INO80D: variants seen among roughly 807,000 people sequenced by gnomAD.
INO80D encodes INO80 complex subunit D.
A neutral mutation model predicts 87.6 loss-of-function variants in INO80D; 21 were observed. The ratio of observed to expected loss-of-function variants is 0.24; its 90% CI spans 0.17 to 0.35. The LOEUF is 0.35. Among genes scored for constraint, INO80D ranks in the 10% least tolerant of loss-of-function variants. The pLI, the probability that INO80D is intolerant of heterozygous loss-of-function variation, is 1.00. For synonymous variants in INO80D, 440 were observed against 491.0 expected (o/e 0.90, Z 1.37); for missense variants, 982 against 1,280.7 (o/e 0.77, Z 3.56).
Position 206,003,978 on chromosome 2 carries a change from T to TAGA in INO80D, c.*387_*389dup. The TAGA allele has an allele frequency of 8.5e-6, 2 of 234,426 alleles. No homozygotes were observed. Among genetic ancestry groups the TAGA allele is most frequent in the South Asian group, 1.6e-4 (2 of 12,852 alleles). The allele number at this position is 234,426 out of a possible 1,614,324, so 14.5% of individuals were successfully genotyped here. On this transcript the variant is annotated 3_prime_UTR_variant, in exon 11 of 11. Coordinates refer to ENST00000403263, the MANE Select transcript of INO80D (RefSeq NM_017759.5). ...ACTCAATTAATAAGATCATTCTATC[T>TAGA]AGAACCACCTATGTAAAAACCTGGC...
rs975152890 is a variant in INO80D, at chr2:206,009,886, T to C, written c.1543-92A>G. On this transcript the variant is annotated intron_variant, in intron 8 of 10. Coordinates refer to ENST00000403263, the MANE Select transcript of INO80D (RefSeq NM_017759.5). ...AATACTTACATCCCTTAATATTCTA[T>C]ATAATGCCTAAAACATACTGGATGC... is the stretch of plus-strand genomic sequence containing the variant. 4 of 1,012,090 alleles carry C rather than the reference T, an allele frequency of 4.0e-6. No individual in the cohort carries two copies. The African/African-American group carries it at 4.9e-5, about 12-fold the overall frequency. The allele number at this position is 1,012,090 out of a possible 1,614,324, so 62.7% of individuals were successfully genotyped here. A position where few individuals can be genotyped will look rare whatever the true frequency, so the allele number is the denominator to read the frequency against.
At chr2:206,010,262 T>G (rs1688136339) in intron 8 of INO80D, among the ~76,000 whole-genome samples, 1 of 151,610 alleles carries the variant, frequency 6.6e-6, no homozygotes, top group Admixed American at 6.6e-5. Context: ...CCGACCACAA[T>G]TCTTTTTTTT....
chr2:206,084,595 G>A (rs1434617372), intron 1 of INO80D: 1 of 152,188 alleles, frequency 6.6e-6, no homozygotes, highest in Non-Finnish European at 1.5e-5. Context: ...GACCAAAAAG[G>A]AGGGGAAACT....
chr2:206,010,093 A>G (rs1293924787), intron 8 of INO80D, among the ~76,000 whole-genome samples: 1 of 146,536 alleles, frequency 6.8e-6, no homozygotes, highest in Non-Finnish European at 1.5e-5. Context: ...ACACGCACAC[A>G]CACGGTTCCA....
chr2:206,034,655 TTGAAAGCATTCCCTC>T lies in INO80D; in HGVS notation c.1074-6335_1074-6321del, dbSNP rs1688850037. ...CAACATAATACTGAATGGGGAAAAG[TTGAAAGCATTCCCTC>T]TGAGAACTGGAACAAGACAAGGATG... On this transcript the variant is annotated intron_variant, in intron 5 of 10. Coordinates refer to ENST00000403263, the MANE Select transcript of INO80D (RefSeq NM_017759.5). Among the ~76,000 whole-genome samples, 3 of 150,226 alleles carry T rather than the reference TTGAAAGCATTCCCTC, an allele frequency of 2.0e-5. No homozygotes were observed. The South Asian group carries it at 6.4e-4, about 32-fold the overall frequency.
At chr2:206,010,087 G>A (rs74482950) in intron 8 of INO80D, among the ~76,000 whole-genome samples, 13 of 96,084 alleles carry the variant, frequency 1.4e-4, no homozygotes, top group East Asian at 2.6e-4. Context: ...ACACACACAC[G>A]CACACACACG....
At chr2:206,047,564 A>C (rs1689229870) in intron 4 of INO80D, among the ~76,000 whole-genome samples, 1 of 152,202 alleles carries the variant, frequency 6.6e-6, no homozygotes, top group Non-Finnish European at 1.5e-5. Context: ...ATGTCAGAAA[A>C]ACATAAAATA....
intron 8 of INO80D, among the ~76,000 whole-genome samples, chr2:206,010,688 G>A (rs1022241708): frequency 3.9e-5 from 6 of 152,038 alleles, no homozygotes; most frequent in African/African-American, 1.2e-4. Flanking sequence ...CATAAATTCA[G>A]GAAATCTAAA....
chr2:206,078,061 C>CAAAAAAAAAAAAAAAAAA lies in INO80D; in HGVS notation c.-124+7822_-124+7839dup, dbSNP rs71410859. 4.8e-5 allele frequency among the ~76,000 whole-genome samples: 3 copies of CAAAAAAAAAAAAAAAAAA among 63,062 alleles called. 1 individual carries two copies. The highest frequency in any genetic ancestry group is 8.2e-5 in the Non-Finnish European group (3 of 36,538). The allele number at this position is 63,062 out of a possible 152,430, so 41.4% of individuals were successfully genotyped here. On this transcript the variant is annotated intron_variant, in intron 1 of 10. Transcript: ENST00000403263. ...TTCCAGCAAGTTGTTGCAATGTTTA[C>CAAAAAAAAAAAAAAAAAA]AAAAAAAAAAAAAAAAAAAAAAAAA... is the stretch of plus-strand genomic sequence containing the variant.
chr2:206,004,693 G>A lies in INO80D; in HGVS notation c.2759C>T (p.Thr920Met), dbSNP rs1687976218. Residue 920 changes from threonine (T) to methionine (M), a missense_variant, in exon 11 of 11, where the codon ACG becomes ATG. Coordinates refer to ENST00000403263, the MANE Select transcript of INO80D (RefSeq NM_017759.5). The surrounding 1 kb of genome is among the most constrained non-coding windows in gnomAD (Gnocchi z 4.9). The stretch of plus-strand genomic sequence containing the variant: ...CTCTGAGTTCGAAGTGGTGGGTGGC[G>A]TGGATAGGGAAGTGGAAAGAAGATG... ...DGHLLSTSLS[T>M]PPTTSNSETT... 1 of 1,613,984 alleles carries A rather than the reference G, an allele frequency of 6.2e-7. No individual in the cohort carries two copies. The highest frequency in any genetic ancestry group is 8.5e-7 in the Non-Finnish European group (1 of 1,179,870).
In INO80D at chr2:206,056,615, C is replaced by G; in HGVS notation, c.547G>C (p.Glu183Gln). The G allele has an allele frequency of 1.9e-6, 3 of 1,610,328 alleles. No individual in the cohort carries two copies. The highest frequency in any genetic ancestry group is 2.5e-6 in the Non-Finnish European group (3 of 1,178,214). Reference protein sequence around the residue: ...KLAQNRQRQRETEILKVRQEH... With the variant: ...KLAQNRQRQRQTEILKVRQEH... ...TGTCGAACTTTTAAAATCTCTGTCT[C>G]TCTCTGGCGCTGCCGATTCTGGGCC... Residue 183 changes from glutamate to glutamine, a missense_variant, in exon 4 of 11, where the codon GAG becomes CAG. By Grantham distance (29) the Glu-to-Gln change is conservative (BLOSUM62 2). Coordinates refer to ENST00000403263, the MANE Select transcript of INO80D (RefSeq NM_017759.5).
In INO80D at chr2:206,044,481, T is replaced by TAAAA. The variant is rs55925923; in HGVS notation, c.1073+2019_1073+2022dup. Reference sequence around the variant, plus strand: ...GCAAGAAGTAAGGATAAATACCTGTTAAAAAAAAAAAAAAAAAAAGGAGGA... The same window carrying TAAAA: ...GCAAGAAGTAAGGATAAATACCTGTTAAAAAAAAAAAAAAAAAAAAAAAGGAGGA... On this transcript the variant is annotated intron_variant, in intron 5 of 10. Coordinates refer to ENST00000403263, the MANE Select transcript of INO80D (RefSeq NM_017759.5). Among the ~76,000 whole-genome samples the TAAAA allele has an allele frequency of 2.9e-3, 322 of 112,504 alleles. 6 individuals carry two copies. Among genetic ancestry groups the TAAAA allele is most frequent in the East Asian group, 0.021 (81 of 3,870 alleles). 73.8% of individuals were successfully genotyped at this position (112,504 alleles called of 152,430 possible).
At chr2:206,018,451 T>G (rs941453270) in intron 7 of INO80D, among the ~76,000 whole-genome samples, 1 of 152,048 alleles carries the variant, frequency 6.6e-6, no homozygotes, top group African/African-American at 2.4e-5. Context: ...TGGCCAATGG[T>G]TTTCTTTTTT....
chr2:206,021,173 C>T (rs755232697), intron 6 of INO80D, among the ~76,000 whole-genome samples: 2 of 152,110 alleles, frequency 1.3e-5, no homozygotes, highest in East Asian at 1.9e-4. Flanking sequence ...ATATCACAAA[C>T]AAAAAATCTT....
chr2:206,035,241 T>G (rs1688861996), intron 5 of INO80D, among the ~76,000 whole-genome samples: 1 of 151,852 alleles, frequency 6.6e-6, no homozygotes, highest in Admixed American at 6.6e-5. Flanking sequence ...GAAAAAACAA[T>G]TCTAAAATTC....
At position 206,062,746 on chromosome 2, in the gene INO80D, A is replaced by C; in HGVS notation, c.218+53T>G. 3 of 1,458,444 alleles carry C rather than the reference A, an allele frequency of 2.1e-6. No homozygotes were observed. Among genetic ancestry groups the C allele is most frequent in the Middle Eastern group, 2.2e-4 (1 of 4,626 alleles). 90.3% of individuals were successfully genotyped at this position (1,458,444 alleles called of 1,614,324 possible). A position where few individuals can be genotyped will look rare whatever the true frequency, so the allele number is the denominator to read the frequency against. Reference sequence around the variant, plus strand: ...GAGAAGAAAAAACAAGAAAAGAAAAAATTCCAAGCCTGTTAATGAAATCAA... The same window carrying C: ...GAGAAGAAAAAACAAGAAAAGAAAACATTCCAAGCCTGTTAATGAAATCAA... On this transcript the variant is annotated intron_variant, in intron 3 of 10. Coordinates refer to ENST00000403263, the MANE Select transcript of INO80D (RefSeq NM_017759.5). The surrounding 1 kb of genome is among the most constrained non-coding windows in gnomAD (Gnocchi z 4.6).
intron 1 of INO80D, among the ~76,000 whole-genome samples, chr2:206,074,016 AC>A (rs887208697): frequency 1.3e-5 from 2 of 152,004 alleles, no homozygotes; most frequent in Non-Finnish European, 2.9e-5. Flanking sequence ...GCCAAACTCT[AC>A]TTTTTAATAC....
intron 5 of INO80D, among the ~76,000 whole-genome samples, chr2:206,036,139 G>A (rs932836210): frequency 4.6e-5 from 7 of 152,170 alleles, no homozygotes; most frequent in African/African-American, 1.7e-4. Flanking sequence ...TACACTGCTG[G>A]TGGGAATGTA....
At chr2:206,039,660 A>C (rs1454330193) in intron 5 of INO80D, among the ~76,000 whole-genome samples, 4 of 150,406 alleles carry the variant, frequency 2.7e-5, no homozygotes, top group Non-Finnish European at 4.4e-5. Context: ...AAAATACAAA[A>C]TTAGCTGGGC....
Sources: allele counts gnomAD v4.1 joint callset (sites outside exome capture counted in the v4.1 genomes callset), GRCh38; gene constraint gnomAD v4.1.1; non-coding constraint Gnocchi (gnomAD v3.1); transcripts MANE v1.5; gene names NCBI Gene and HGNC (gene_info 2026-07-23, HGNC 2026-07-21).